Variants in CALN1 observed in about 807,000 individuals in gnomAD.
CALN1 encodes calneuron 1.
CALN1 carries 17 observed loss-of-function variants against 30.6 expected under a neutral mutation model. The observed-to-expected ratio is 0.56, with a 90% CI of 0.38 to 0.83. The LOEUF is 0.83. Ranked by LOEUF, CALN1 falls within the 40% of genes least tolerant of loss-of-function variation. CALN1 has a pLI of 0.00. For synonymous variants in CALN1, 156 were observed against 131.4 expected (o/e 1.19, Z -1.28); for missense variants, 291 against 354.9 (o/e 0.82, Z 1.45).
intron 5 of CALN1, among the ~76,000 whole-genome samples, chr7:71,815,140 A>G (rs1788187627): frequency 6.6e-6 from 1 of 152,070 alleles, no homozygotes; most frequent in South Asian, 2.1e-4. Flanking sequence ...GCCTTGAGTT[A>G]ATCAACTTTT....
At chr7:71,964,725 G>C (rs1797446412) in intron 5 of CALN1, among the ~76,000 whole-genome samples, 1 of 151,688 alleles carries the variant, frequency 6.6e-6, no homozygotes, top group African/African-American at 2.4e-5. Flanking sequence ...CCAAAGTATA[G>C]ATATATTTAA....
chr7:72,233,330 G>A (rs1794246574), intron 3 of CALN1, among the ~76,000 whole-genome samples: 2 of 152,088 alleles, frequency 1.3e-5, no homozygotes, highest in South Asian at 2.1e-4. Context: ...AGACGGTCTC[G>A]GGGAGTTGCC....
intron 4 of CALN1, among the ~76,000 whole-genome samples, chr7:72,057,504 CAGTG>C (rs1299188760): frequency 6.9e-6 from 1 of 143,924 alleles, no homozygotes; most frequent in Non-Finnish European, 1.5e-5. Flanking sequence ...TTATTTGTAA[CAGTG>C]AGAAATGGAA....
intron 2 of CALN1, among the ~76,000 whole-genome samples, chr7:72,392,269 T>C (rs1346981549): frequency 6.6e-6 from 1 of 152,182 alleles, no homozygotes; most frequent in Non-Finnish European, 1.5e-5. Flanking sequence ...ACCAGACATC[T>C]CGGAGCAGAT....
chr7:72,222,761 C>G (rs2129549795), intron 3 of CALN1, among the ~76,000 whole-genome samples: 1 of 152,288 alleles, frequency 6.6e-6, no homozygotes, highest in East Asian at 1.9e-4. Flanking sequence ...TGGCTCATAC[C>G]TGTAATCCCA....
intron 4 of CALN1, among the ~76,000 whole-genome samples, chr7:72,083,912 A>T (rs559619648): frequency 6.6e-6 from 1 of 152,068 alleles, no homozygotes; most frequent in African/African-American, 2.4e-5. Context: ...TGGGAAAGAC[A>T]TACTACATAA....
At chr7:71,979,574 T>G (rs903948142) in intron 5 of CALN1, among the ~76,000 whole-genome samples, 2 of 152,066 alleles carry the variant, frequency 1.3e-5, no homozygotes, top group African/African-American at 4.8e-5. Context: ...AGGCTGTAAA[T>G]ACAGATGAAT....
chr7:72,132,930 A>T (rs906897714), intron 3 of CALN1, among the ~76,000 whole-genome samples: 1 of 152,178 alleles, frequency 6.6e-6, no homozygotes, highest in African/African-American at 2.4e-5. Context: ...ATCTCCTATC[A>T]GATCAGCAGC....
At chr7:72,241,953 C>A (rs140323739) in intron 3 of CALN1, among the ~76,000 whole-genome samples, 285 of 152,232 alleles carry the variant, frequency 1.9e-3, no homozygotes, top group South Asian at 3.5e-3. Context: ...ATTGGGCAAC[C>A]ACCACCATCC....
intron 5 of CALN1, among the ~76,000 whole-genome samples, chr7:71,999,505 A>T (rs558948384): frequency 6.6e-6 from 1 of 152,102 alleles, no homozygotes; most frequent in East Asian, 1.9e-4. Flanking sequence ...ACTCCATCCA[A>T]CAGCAGCATA....
At chr7:72,247,430 G>A (rs750235042) in intron 3 of CALN1, among the ~76,000 whole-genome samples, 1 of 151,182 alleles carries the variant, frequency 6.6e-6, no homozygotes, top group Admixed American at 6.6e-5. Flanking sequence ...TGTATTTTTA[G>A]TAGAGACGGG....
intron 5 of CALN1, among the ~76,000 whole-genome samples, chr7:71,932,279 G>C (rs140773358): frequency 6.6e-6 from 1 of 152,062 alleles, no homozygotes; most frequent in Non-Finnish European, 1.5e-5. Context: ...GCGCTGAAGC[G>C]ATCTTCCCAC....
intron 5 of CALN1, among the ~76,000 whole-genome samples, chr7:71,979,477 A>T (rs1425869036): frequency 6.6e-6 from 1 of 152,104 alleles, no homozygotes; most frequent in Non-Finnish European, 1.5e-5. Flanking sequence ...CGCAGTTCAC[A>T]ATAGGGTTTA....
rs150411834 is a variant in CALN1 at position 72,095,663 on chromosome 7, A to G, written c.388+10488T>C. 3.1e-3 allele frequency among the ~76,000 whole-genome samples: 470 copies of G among 152,268 alleles called. 5 individuals are homozygous for G. Among genetic ancestry groups the G allele is most frequent in the African/African-American group, 0.011 (457 of 41,578 alleles). ...GGAAACATAATTGGGTTTGCTTTCCATTTGTCAAAGTGTGCCTCAGACTAG... is the reference window on the plus strand; with the variant it reads ...GGAAACATAATTGGGTTTGCTTTCCGTTTGTCAAAGTGTGCCTCAGACTAG... On this transcript the variant is annotated intron_variant, in intron 4 of 6. Coordinates refer to ENST00000395275, the MANE Select transcript of CALN1 (RefSeq NM_031468.4).
intron 5 of CALN1, among the ~76,000 whole-genome samples, chr7:71,846,846 T>C (rs1257354943): frequency 1.4e-5 from 2 of 146,470 alleles, no homozygotes; most frequent in East Asian, 2.0e-4. Context: ...TGTGTATATA[T>C]TATATATGTA....
At chr7:72,336,772 C>T (rs1197362889) in intron 2 of CALN1, 3 of 985,084 alleles carry the variant, frequency 3.0e-6, no homozygotes, top group Non-Finnish European at 3.6e-6. Context: ...GGGCTTCCTC[C>T]GAGGCCCGCA....
chr7:71,927,762 G>C (rs1795342138), intron 5 of CALN1, among the ~76,000 whole-genome samples: 1 of 152,126 alleles, frequency 6.6e-6, no homozygotes, highest in South Asian at 2.1e-4. Flanking sequence ...GTCTTAGGAA[G>C]GCCCTGTGTC....
At chr7:71,970,959 G>A (rs146685846) in intron 5 of CALN1, among the ~76,000 whole-genome samples, 4 of 152,164 alleles carry the variant, frequency 2.6e-5, no homozygotes, top group East Asian at 1.9e-4. Flanking sequence ...AGGTTCACTC[G>A]GCATTCCCAG....
the CALN1 span, among the ~76,000 whole-genome samples, chr7:72,459,618 C>A: frequency 1.4e-5 from 2 of 143,494 alleles, no homozygotes; most frequent in East Asian, 2.0e-4. Context: ...AGGGTGAAAC[C>A]CTGTCTCAAA....
Sources: allele counts gnomAD v4.1 joint callset (sites outside exome capture counted in the v4.1 genomes callset), GRCh38; gene constraint gnomAD v4.1.1; transcripts MANE v1.5; gene names NCBI Gene and HGNC (gene_info 2026-07-23, HGNC 2026-07-21).